The following PRR20G variants were observed in gnomAD, a reference collection of about 807,000 sequenced individuals.
PRR20G encodes proline rich 20G, also known as proline-rich protein 20G.
intron 2 of PRR20G, among the ~76,000 whole-genome samples, chr3:127,285,694 C>T (rs2107702111): frequency 6.6e-6 from 1 of 152,320 alleles, no homozygotes; most frequent in African/African-American, 2.4e-5. Flanking sequence ...CAAGCCCCAT[C>T]CACGAGCTTG....
At chr3:127,287,411 G>A (rs1171179303) in intron 1 of PRR20G, among the ~76,000 whole-genome samples, 39 bp from the exon 2 acceptor site, 2 of 152,164 alleles carry the variant, frequency 1.3e-5, no homozygotes, top group African/African-American at 4.8e-5. Flanking sequence ...GTCTGTCAGG[G>A]TATTAAACCA....
chr3:127,285,507 T>G (rs1257545334), intron 2 of PRR20G, among the ~76,000 whole-genome samples: 1 of 151,932 alleles, frequency 6.6e-6, no homozygotes, highest in Non-Finnish European at 1.5e-5. Flanking sequence ...GAACAGGAAG[T>G]CCGAAACTAG....
chr3:127,286,580 A>T (rs1467964185), intron 2 of PRR20G, among the ~76,000 whole-genome samples: 1 of 152,246 alleles, frequency 6.6e-6, no homozygotes, highest in Non-Finnish European at 1.5e-5. Flanking sequence ...ACGTAGATCG[A>T]GACATAGTGT....
chr3:127,285,713 A>G (rs183070225), intron 2 of PRR20G, among the ~76,000 whole-genome samples: 1 of 152,326 alleles, frequency 6.6e-6, no homozygotes. Flanking sequence ...TGGAGCTCCC[A>G]ACAGCTTCTT....
At chr3:127,287,197 T>C (rs2080391720) in intron 2 of PRR20G, among the ~76,000 whole-genome samples, 117 bp downstream of exon 2, 1 of 152,100 alleles carries the variant, frequency 6.6e-6, no homozygotes, top group Non-Finnish European at 1.5e-5. Context: ...AGAAGGAGCA[T>C]GGGCTGCTGC....
chr3:127,285,489 A>G (rs897309116), intron 2 of PRR20G, among the ~76,000 whole-genome samples: 18 of 152,192 alleles, frequency 1.2e-4, no homozygotes, highest in African/African-American at 4.3e-4. Flanking sequence ...TGATTGAGCA[A>G]TGGAACAGAA....
chr3:127,286,536 A>G (rs1387540135), intron 2 of PRR20G, among the ~76,000 whole-genome samples: 1 of 152,260 alleles, frequency 6.6e-6, no homozygotes, highest in Non-Finnish European at 1.5e-5. Flanking sequence ...CAATACCTCC[A>G]GAAAAGAACA....
rs114795058 is a variant in PRR20G, at chr3:127,285,804, C to T, written c.53-1164G>A. ...AAAGGCTCTAACATAAGAGACAGAA[C>T]AATAACACAAGAAAAGCCAACTTGG... On this transcript the variant is annotated intron_variant, in intron 2 of 2. Transcript: ENST00000465482. Among the ~76,000 whole-genome samples the T allele has an allele frequency of 9.6e-3, 1,469 of 152,236 alleles. 33 individuals carry two copies. Among genetic ancestry groups the T allele is most frequent in the African/African-American group, 0.032 (1,330 of 41,528 alleles).
intron 2 of PRR20G, among the ~76,000 whole-genome samples, chr3:127,286,856 C>A (rs2080390277): frequency 6.6e-6 from 1 of 152,182 alleles, no homozygotes; most frequent in South Asian, 2.1e-4. Context: ...TAAGTAAACA[C>A]ATAATAACCC....
chr3:127,283,814 T>C lies in PRR20G; in HGVS notation c.*246A>G, dbSNP rs527928374. Among the ~76,000 whole-genome samples the C allele has an allele frequency of 1.3e-5, 2 of 152,258 alleles. No homozygotes were observed. Among genetic ancestry groups the C allele is most frequent in the East Asian group, 3.9e-4 (2 of 5,178 alleles). On this transcript the variant is annotated 3_prime_UTR_variant, in exon 3 of 3. Coordinates refer to ENST00000465482, the MANE Select transcript of PRR20G (RefSeq NM_001362810.2). ...AGCTGCTGGTTTATTTGAATAAGCA[T>C]TGAGGAACTCCATGCATGTGTATTT...
At chr3:127,285,411 A>C (rs1256079215) in intron 2 of PRR20G, among the ~76,000 whole-genome samples, 3 of 152,096 alleles carry the variant, frequency 2.0e-5, no homozygotes, top group Non-Finnish European at 4.4e-5. Flanking sequence ...CATGGCTTCC[A>C]GGAGGAAAAA....
rs958634188 is a variant in PRR20G, at chr3:127,283,805, G to A, written c.*255C>T. Among the ~76,000 whole-genome samples, 1 of 152,138 alleles carries A rather than the reference G, an allele frequency of 6.6e-6. No homozygotes were observed. Among genetic ancestry groups the A allele is most frequent in the Non-Finnish European group, 1.5e-5 (1 of 68,046 alleles). ...GACTCAGAGAGCTGCTGGTTTATTT[G>A]AATAAGCATTGAGGAACTCCATGCA... On this transcript the variant is annotated 3_prime_UTR_variant, in exon 3 of 3. Transcript: ENST00000465482.
At chr3:127,284,670 G>T in intron 2 of PRR20G, 30 bp from the exon 3 acceptor site, 1 of 154,858 alleles carries the variant, frequency 6.5e-6, no homozygotes, top group South Asian at 1.8e-4. Flanking sequence ...TAAGGAGATG[G>T]AGTAGGGGCT....
At chr3:127,285,452 G>A (rs1559760589) in intron 2 of PRR20G, among the ~76,000 whole-genome samples, 1 of 152,144 alleles carries the variant, frequency 6.6e-6, no homozygotes, top group Non-Finnish European at 1.5e-5. Flanking sequence ...TAGTTTGGCA[G>A]GGAGGGGAGG....
rs984439949 is a variant in PRR20G at position 127,283,821 on chromosome 3, A to G, written c.*239T>C. Among the ~76,000 whole-genome samples the G allele has an allele frequency of 6.6e-6, 1 of 151,936 alleles. No individual in the cohort carries two copies. The highest frequency in any genetic ancestry group is 1.5e-5 in the Non-Finnish European group (1 of 67,992). On this transcript the variant is annotated 3_prime_UTR_variant, in exon 3 of 3. Transcript: ENST00000465482. The stretch of plus-strand genomic sequence containing the variant: ...GGTTTATTTGAATAAGCATTGAGGA[A>G]CTCCATGCATGTGTATTTTTGACAG...
At chr3:127,285,539 A>G (rs1042121152) in intron 2 of PRR20G, among the ~76,000 whole-genome samples, 1 of 152,236 alleles carries the variant, frequency 6.6e-6, no homozygotes, top group African/African-American at 2.4e-5. Context: ...CAGAAATTTT[A>G]TCAATGACAG....
intron 2 of PRR20G, among the ~76,000 whole-genome samples, chr3:127,286,184 G>T (rs532253028): frequency 1.3e-5 from 2 of 152,256 alleles, no homozygotes; most frequent in African/African-American, 4.8e-5. Context: ...CTTCCAGAGA[G>T]GGAGAAAGAG....
intron 2 of PRR20G, among the ~76,000 whole-genome samples, chr3:127,285,147 T>C (rs1290164593): frequency 6.6e-6 from 1 of 152,230 alleles, no homozygotes; most frequent in Non-Finnish European, 1.5e-5. Context: ...TAAATTAGTA[T>C]AATAACATGC....
intron 2 of PRR20G, among the ~76,000 whole-genome samples, chr3:127,286,672 G>C (rs1036363824): frequency 5.3e-5 from 8 of 152,204 alleles, no homozygotes; most frequent in Admixed American, 5.2e-4. Context: ...AAATTCAAAA[G>C]AGGAAAAGGA....
Sources: gnomAD v4.1 joint callset for allele counts (sites outside exome capture counted in the v4.1 genomes callset) on GRCh38, gnomAD v4.1.1 for gene constraint, MANE v1.5 for transcripts, NCBI Gene and HGNC (gene_info 2026-07-23, HGNC 2026-07-21) for gene names.